The following ATE1 variants were observed in gnomAD, a reference collection of about 807,000 sequenced individuals.
ATE1 encodes the protein arginyltransferase 1.
A neutral mutation model predicts 70.5 loss-of-function variants in ATE1; 36 were observed. The ratio of observed to expected loss-of-function variants is 0.51; its 90% confidence interval spans 0.39 to 0.67. ATE1 has a LOEUF of 0.67. Ranked by LOEUF, ATE1 falls within the 30% of genes least tolerant of loss-of-function variation. ATE1 has a pLI of 0.00. For synonymous variants in ATE1, 232 were observed against 219.3 expected (o/e 1.06, Z -0.51); for missense variants, 593 against 629.5 (o/e 0.94, Z 0.62).
At chr10:121,876,436 C>A (rs1950051040) in intron 7 of ATE1, among the ~76,000 whole-genome samples, 1 of 152,122 alleles carries the variant, frequency 6.6e-6, no homozygotes, top group South Asian at 2.1e-4. Flanking sequence ...TAATATCTAC[C>A]TCCTACGTTC....
chr10:121,918,958 C>T (rs1018663935), intron 3 of ATE1, among the ~76,000 whole-genome samples: 11 of 152,050 alleles, frequency 7.2e-5, no homozygotes, highest in Admixed American at 5.2e-4. Flanking sequence ...TGCTCTGTGG[C>T]TAGAGGTTTG....
At chr10:121,762,882 T>C (rs1389065818) in intron 11 of ATE1, among the ~76,000 whole-genome samples, 3 of 152,254 alleles carry the variant, frequency 2.0e-5, no homozygotes, top group Non-Finnish European at 2.9e-5. Flanking sequence ...AGAAATATTC[T>C]GTAGGAACTT....
At chr10:121,744,200 G>A (rs1169967446) in intron 11 of ATE1, among the ~76,000 whole-genome samples, 1 of 151,952 alleles carries the variant, frequency 6.6e-6, no homozygotes, top group East Asian at 1.9e-4. Flanking sequence ...GGGATTACAG[G>A]TTTGAGTCAC....
chr10:121,781,885 G>A (rs1946006650), intron 11 of ATE1, among the ~76,000 whole-genome samples: 1 of 152,172 alleles, frequency 6.6e-6, no homozygotes, highest in African/African-American at 2.4e-5. Flanking sequence ...ATGCCAGCTA[G>A]GAAAATACGT....
At chr10:121,748,860 T>C (rs1944468829) in intron 11 of ATE1, among the ~76,000 whole-genome samples, 1 of 152,172 alleles carries the variant, frequency 6.6e-6, no homozygotes, top group Non-Finnish European at 1.5e-5. Context: ...TTGGAATCAC[T>C]TGGAAATCCA....
chr10:121,846,653 T>C (rs1321261708), intron 8 of ATE1: 1 of 152,116 alleles, frequency 6.6e-6, no homozygotes, highest in Admixed American at 6.6e-5. Context: ...CCAGTACAGA[T>C]TTCTTTGTTC....
In ATE1 at chr10:121,790,219, G is replaced by A; in HGVS notation, c.1328C>T (p.Pro443Leu). ...GCAGTACTTGGAGTTTTCAAGTGAA[G>A]GCAGGCATTGCTCAATGGGTACCCA... is the stretch of plus-strand genomic sequence containing the variant. ...YVWVPIEQCL[P>L]SLENSKYCRF... Residue 443 changes from proline (P) to leucine (L), a missense_variant, in exon 11 of 12, where the codon CCT (proline) becomes CTT (leucine). Around this residue, in one of 3 missense-constraint regions of ATE1, gnomAD observed 36 missense variants for 66.3 expected, o/e 0.54. Transcript: ENST00000224652. 3 of 1,614,090 alleles carry A rather than the reference G, an allele frequency of 1.9e-6. No homozygotes were observed. The highest frequency in any genetic ancestry group is 1.7e-4 in the Middle Eastern group (1 of 6,060).
At position 121,910,954 on chromosome 10, in the gene ATE1, A is replaced by G; in HGVS notation, c.535T>C (p.Ser179Pro). ...TTAACTGAATGTGACGGTTCACCAG[A>G]GCCCAACTTCTCTCCTACGAAATCT... is the stretch of plus-strand genomic sequence containing the variant. ...SQDFVGEKLG[S>P]GEPSHSVKVH... Residue 179 changes from serine (S) to proline (P), a missense_variant, in exon 5 of 12, where the codon TCT becomes CCT. Around this residue, in one of 3 missense-constraint regions of ATE1, gnomAD observed 467 missense variants for 469.6 expected, o/e 0.99. Coordinates refer to ENST00000224652, the MANE Select transcript of ATE1 (RefSeq NM_001001976.3). 1 of 1,613,888 alleles carries G rather than the reference A, an allele frequency of 6.2e-7. No individual in the cohort carries two copies. Among genetic ancestry groups the G allele is most frequent in the Non-Finnish European group, 8.5e-7 (1 of 1,180,002 alleles).
At chr10:121,844,907 T>TA (rs74264560) in intron 8 of ATE1, among the ~76,000 whole-genome samples, 173 of 144,160 alleles carry the variant, frequency 1.2e-3, no homozygotes, top group African/African-American at 1.4e-3. Flanking sequence ...ATAATGAGTT[T>TA]AAAAAAAAAA....
intron 10 of ATE1, among the ~76,000 whole-genome samples, chr10:121,822,617 G>A (rs1026644969): frequency 4.6e-5 from 7 of 152,270 alleles, no homozygotes; most frequent in Middle Eastern, 3.4e-3. Flanking sequence ...TACTGAAAGG[G>A]AACTTCTAAA....
At chr10:121,743,916 CTTTTTTTTT>C (rs35850942) in intron 11 of ATE1, 58 bp from the exon 12 acceptor site, 35 of 870,800 alleles carry the variant, frequency 4.0e-5, no homozygotes, top group Admixed American at 1.4e-4. Flanking sequence ...TTTTTGTTTC[CTTTTTTTTT>C]TTTTTTTTTT....
intron 5 of ATE1, 95 bp downstream of exon 5, chr10:121,910,811 G>A: frequency 2.0e-6 from 3 of 1,533,780 alleles, no homozygotes; most frequent in Non-Finnish European, 2.7e-6. Context: ...GCACGACTAA[G>A]TCATCCTTTT....
intron 10 of ATE1, among the ~76,000 whole-genome samples, chr10:121,823,284 C>T (rs911225522): frequency 6.6e-6 from 1 of 151,636 alleles, no homozygotes; most frequent in Non-Finnish European, 1.5e-5. Context: ...AACAAGACTT[C>T]CTCTCAAAAA....
intron 10 of ATE1, among the ~76,000 whole-genome samples, chr10:121,829,291 C>A (rs1403651567): frequency 6.6e-6 from 1 of 152,106 alleles, no homozygotes; most frequent in Non-Finnish European, 1.5e-5. Context: ...GGCATGGTGG[C>A]GTGCGCCTGT....
intron 8 of ATE1, 68 bp from the exon 9 acceptor site, chr10:121,841,331 C>T: frequency 9.1e-7 from 1 of 1,093,254 alleles, no homozygotes; most frequent in Non-Finnish European, 1.2e-6. Context: ...TTAATATATA[C>T]TTTCATTTTC....
At chr10:121,834,693 C>T (rs772559074) in intron 10 of ATE1, among the ~76,000 whole-genome samples, 6 of 151,910 alleles carry the variant, frequency 3.9e-5, no homozygotes, top group Non-Finnish European at 7.4e-5. Flanking sequence ...CTATATTCAA[C>T]ATTTCCACGA....
chr10:121,812,245 T>C (rs1351850695), intron 10 of ATE1, among the ~76,000 whole-genome samples: 1 of 152,144 alleles, frequency 6.6e-6, no homozygotes, highest in Non-Finnish European at 1.5e-5. Flanking sequence ...CATGAGCCAC[T>C]GCACCTGGCC....
At chr10:121,924,514 C>G (rs372380535) in intron 1 of ATE1, among the ~76,000 whole-genome samples, 185 bp from the exon 2 acceptor site, 8 of 152,066 alleles carry the variant, frequency 5.3e-5, no homozygotes, top group East Asian at 1.9e-4. Context: ...GCCTGGCCAA[C>G]ATGGTGAAAC....
chr10:121,753,727 A>G (rs1446290218), intron 11 of ATE1, among the ~76,000 whole-genome samples: 2 of 152,256 alleles, frequency 1.3e-5, no homozygotes, highest in Non-Finnish European at 2.9e-5. Flanking sequence ...CTCATCTTAG[A>G]CACTTCCTAT....
Sources: gnomAD v4.1 joint callset for allele counts (sites outside exome capture counted in the v4.1 genomes callset) on GRCh38, gnomAD v4.1.1 for gene constraint, gnomAD v4.1.1 regional missense constraint, MANE v1.5 for transcripts, NCBI Gene and HGNC (gene_info 2026-07-23, HGNC 2026-07-21) for gene names.